GALNT13: variants seen among roughly 807,000 people sequenced by gnomAD.
The protein encoded by GALNT13 is polypeptide N-acetylgalactosaminyltransferase 13, also known as UDP-GalNAc:polypeptide N-acetylgalactosaminyltransferase 13.
In GALNT13, 28 loss-of-function variants were observed where a neutral mutation model predicts 64.2. That is an observed-to-expected ratio of 0.44 (90% CI 0.32 to 0.60). GALNT13 has a LOEUF of 0.60. Ranked by LOEUF, GALNT13 falls within the 20% of genes least tolerant of loss-of-function variation. The pLI, the probability that GALNT13 is intolerant of heterozygous loss-of-function variation, is 0.05. For synonymous variants in GALNT13, 214 were observed against 224.6 expected (o/e 0.95, Z 0.42); for missense variants, 577 against 669.8 (o/e 0.86, Z 1.53).
At chr2:154,102,789 T>G (rs1702417176) in intron 3 of GALNT13, among the ~76,000 whole-genome samples, 1 of 152,310 alleles carries the variant, frequency 6.6e-6, no homozygotes, top group South Asian at 2.1e-4. Context: ...TTTCGTAATA[T>G]TTGTTTTATG....
the GALNT13 span, among the ~76,000 whole-genome samples, chr2:153,631,224 T>G: frequency 3.9e-5 from 6 of 152,186 alleles, no homozygotes; most frequent in African/African-American, 1.4e-4. Context: ...TGGACATTTG[T>G]GTTGGTTCCA....
chr2:153,277,927 C>CT, the GALNT13 span, among the ~76,000 whole-genome samples: 82 of 80,110 alleles, frequency 1.0e-3, 7 homozygotes, highest in Middle Eastern at 7.9e-3. Context: ...TCTTTTCTTT[C>CT]TTTTTTTTTT....
chr2:153,384,620 T>G, the GALNT13 span, among the ~76,000 whole-genome samples: 1 of 151,972 alleles, frequency 6.6e-6, no homozygotes, highest in Non-Finnish European at 1.5e-5. Flanking sequence ...AATCTGAAAT[T>G]TATGTGAAAA....
the GALNT13 span, among the ~76,000 whole-genome samples, chr2:153,251,375 C>T: frequency 2.0e-5 from 3 of 152,144 alleles, no homozygotes; most frequent in Admixed American, 2.0e-4. Flanking sequence ...TTCTTTTCAT[C>T]CATAGACAAT....
chr2:153,695,326 C>T, the GALNT13 span, among the ~76,000 whole-genome samples: 1 of 152,270 alleles, frequency 6.6e-6, no homozygotes, highest in East Asian at 1.9e-4. Flanking sequence ...ATGGTGGGAA[C>T]CCTCTCAAAA....
the GALNT13 span, among the ~76,000 whole-genome samples, chr2:153,102,490 G>T: frequency 6.6e-6 from 1 of 152,138 alleles, no homozygotes; most frequent in Non-Finnish European, 1.5e-5. Context: ...TAAACTGTTT[G>T]TGCAGATATA....
In GALNT13 at chr2:154,140,520, G is replaced by T. The variant is rs780009190; in HGVS notation, c.311+15G>T. The stretch of plus-strand genomic sequence containing the variant: ...AGATTAGAAGGGTAAGTTTGCATTT[G>T]TTATATAATCTTTTATATTCATAAT... On this transcript the variant is annotated intron_variant, in intron 4 of 12. Transcript: ENST00000392825. 1.3e-6 allele frequency: 2 copies of T among 1,562,114 alleles called. No homozygotes were observed. Among genetic ancestry groups the T allele is most frequent in the East Asian group, 2.3e-5 (1 of 44,412 alleles).
At chr2:154,165,732 C>T (rs1343860616) in intron 4 of GALNT13, among the ~76,000 whole-genome samples, 2 of 152,106 alleles carry the variant, frequency 1.3e-5, no homozygotes, top group African/African-American at 4.8e-5. Flanking sequence ...AGAAGGATTA[C>T]CAAAGGGCAC....
the GALNT13 span, among the ~76,000 whole-genome samples, chr2:153,864,891 G>A: frequency 4.8e-5 from 7 of 146,106 alleles, no homozygotes; most frequent in East Asian, 2.0e-4. Flanking sequence ...GAGGCATCAC[G>A]CTACCTGACT....
chr2:154,456,297 A>G (rs189713016), downstream of GALNT13, among the ~76,000 whole-genome samples: 7 of 152,220 alleles, frequency 4.6e-5, no homozygotes, highest in East Asian at 1.9e-4. Context: ...TTTAACATTT[A>G]TAAAAGTAGA....
chr2:153,470,791 G>C, the GALNT13 span, among the ~76,000 whole-genome samples: 1 of 152,274 alleles, frequency 6.6e-6, no homozygotes, highest in East Asian at 1.9e-4. Flanking sequence ...CTTAAAAGAA[G>C]AATGTATCAT....
chr2:154,245,774 T>C (rs1192616110), intron 6 of GALNT13, 38 bp from the exon 7 acceptor site: 3 of 1,354,512 alleles, frequency 2.2e-6, no homozygotes, highest in South Asian at 1.3e-5. Context: ...ACATTTTAAT[T>C]ATCATGTGTC....
chr2:153,137,209 G>A, the GALNT13 span, among the ~76,000 whole-genome samples: 1 of 151,970 alleles, frequency 6.6e-6, no homozygotes, highest in Admixed American at 6.6e-5. Context: ...AGGAATTATT[G>A]GTAAAGAACA....
intron 2 of GALNT13, among the ~76,000 whole-genome samples, chr2:153,935,547 A>G (rs529457955): frequency 1.3e-5 from 2 of 152,344 alleles, no homozygotes; most frequent in African/African-American, 4.8e-5. Flanking sequence ...CCAGATAGAA[A>G]CAATGTTATG....
intron 4 of GALNT13, among the ~76,000 whole-genome samples, chr2:154,177,630 A>T (rs1685724572): frequency 6.6e-6 from 1 of 152,198 alleles, no homozygotes; most frequent in Non-Finnish European, 1.5e-5. Flanking sequence ...TTAATGCAAG[A>T]TGTTAGTAAC....
the GALNT13 span, among the ~76,000 whole-genome samples, chr2:153,645,048 G>A: frequency 6.6e-6 from 1 of 152,008 alleles, no homozygotes; most frequent in East Asian, 1.9e-4. Flanking sequence ...TCTGCATATG[G>A]CAAGTCCCCA....
At chr2:153,845,350 G>A in the GALNT13 span, among the ~76,000 whole-genome samples, 1 of 152,158 alleles carries the variant, frequency 6.6e-6, no homozygotes, top group African/African-American at 2.4e-5. Flanking sequence ...CAATCATGGT[G>A]GAAAGTGAAG....
At chr2:153,687,607 T>A in the GALNT13 span, among the ~76,000 whole-genome samples, 1 of 151,950 alleles carries the variant, frequency 6.6e-6, no homozygotes, top group Non-Finnish European at 1.5e-5. Context: ...AGCCTGTCAC[T>A]TATTCATGTC....
intron 4 of GALNT13, among the ~76,000 whole-genome samples, chr2:154,184,756 C>T (rs1686160769): frequency 1.3e-5 from 2 of 152,200 alleles, no homozygotes; most frequent in African/African-American, 4.8e-5. Context: ...AGAGCAATAA[C>T]TCACTTATTA....
Sources: gnomAD v4.1 joint callset for allele counts (sites outside exome capture counted in the v4.1 genomes callset) on GRCh38, gnomAD v4.1.1 for gene constraint, MANE v1.5 for transcripts, NCBI Gene and HGNC (gene_info 2026-07-23, HGNC 2026-07-21) for gene names.